Variants in OXCT1 observed in about 807,000 individuals in gnomAD.
The protein encoded by OXCT1 is succinyl-CoA:3-ketoacid coenzyme A transferase 1, mitochondrial.
A neutral mutation model predicts 69.6 loss-of-function variants in OXCT1; 27 were observed. That is an observed-to-expected ratio of 0.39 (90% CI 0.29 to 0.54). The LOEUF (loss-of-function observed/expected upper bound fraction) is 0.54, where lower values mean the gene tolerates loss of function less well. Ranked by LOEUF, OXCT1 falls within the 20% of genes least tolerant of loss-of-function variation. OXCT1 has a pLI of 0.72. For synonymous variants in OXCT1, 202 were observed against 217.8 expected, an observed-to-expected ratio of 0.93 and a Z score of 0.64; for missense variants, 437 against 650.2, an observed-to-expected ratio of 0.67 and a Z score of 3.57.
chr5:41,732,752 C>T (rs914542950), intron 16 of OXCT1, among the ~76,000 whole-genome samples: 1 of 152,042 alleles, frequency 6.6e-6, no homozygotes, highest in Admixed American at 6.6e-5. Context: ...ATATAAGTTT[C>T]AAAGAACTAG....
At chr5:41,869,327 G>A (rs182930069) in intron 1 of OXCT1, among the ~76,000 whole-genome samples, 2 of 152,330 alleles carry the variant, frequency 1.3e-5, no homozygotes, top group African/African-American at 2.4e-5. Context: ...ACCTATTACT[G>A]AATACCAAGG....
rs114772682 is a variant in OXCT1 at position 41,838,001 on chromosome 5, T to C, written c.732+2450A>G. On this transcript the variant is annotated intron_variant, in intron 7 of 16. Coordinates refer to ENST00000196371, the MANE Select transcript of OXCT1 (RefSeq NM_000436.4). ...AATGCCTGAATAGTAGCTAACATTA[T>C]TGGCATTTTGCATGCAGAAGAATAT... is the stretch of plus-strand genomic sequence containing the variant. 5.9e-3 allele frequency among the ~76,000 whole-genome samples: 899 copies of C among 152,304 alleles called. 10 individuals are homozygous for C. Among genetic ancestry groups the C allele is most frequent in the African/African-American group, 0.021 (857 of 41,554 alleles).
chr5:41,793,870 T>C, intron 13 of OXCT1, 133 bp downstream of exon 13: 1 of 669,076 alleles, frequency 1.5e-6, no homozygotes, highest in Non-Finnish European at 2.6e-6. Flanking sequence ...TAATTAAAAT[T>C]TGATTCTAGT....
chr5:41,733,349 C>T (rs565711761), intron 16 of OXCT1, among the ~76,000 whole-genome samples: 4 of 151,310 alleles, frequency 2.6e-5, no homozygotes, highest in South Asian at 4.2e-4. Context: ...TGGGTTCAAG[C>T]GATTCTCCTG....
chr5:41,861,274 C>T (rs1213945565), intron 3 of OXCT1, 40 bp downstream of exon 3: 1 of 1,216,624 alleles, frequency 8.2e-7, no homozygotes, highest in East Asian at 2.3e-5. Flanking sequence ...TAAGAATTGG[C>T]ATTTCTCTCC....
intron 13 of OXCT1, among the ~76,000 whole-genome samples, chr5:41,771,618 G>A (rs1211669589): frequency 6.6e-6 from 1 of 152,152 alleles, no homozygotes; most frequent in Non-Finnish European, 1.5e-5. Context: ...CAGACAATAT[G>A]GCTAAGTGAA....
In OXCT1 at chr5:41,770,454, C is replaced by T. The variant is rs368474809; in HGVS notation, c.1249-8254G>A. 2.6e-5 allele frequency among the ~76,000 whole-genome samples: 4 copies of T among 152,276 alleles called. No homozygotes were observed. The South Asian group carries it at 6.2e-4, about 24-fold the overall frequency. On this transcript the variant is annotated intron_variant, in intron 13 of 16. Coordinates refer to ENST00000196371, the MANE Select transcript of OXCT1 (RefSeq NM_000436.4). The stretch of plus-strand genomic sequence containing the variant: ...TGTTATTTAATACATATCTGAACTA[C>T]ACTGAATTTGCTTTTTCAAGTGGGG...
At chr5:41,815,803 G>A (rs1747213347) in intron 7 of OXCT1, among the ~76,000 whole-genome samples, 1 of 152,156 alleles carries the variant, frequency 6.6e-6, no homozygotes, top group African/African-American at 2.4e-5. Context: ...TTTCAGTGAA[G>A]AGAGTCATAG....
intron 15 of OXCT1, among the ~76,000 whole-genome samples, chr5:41,744,155 T>A (rs182784637): frequency 6.6e-6 from 1 of 152,214 alleles, no homozygotes; most frequent in Non-Finnish European, 1.5e-5. Context: ...TTCTATTTCA[T>A]TGAGCAGTGG....
In OXCT1 at chr5:41,762,059, G is replaced by C; in HGVS notation, c.1338+52C>G. ...GTGACCTGGTGGTACACTGGGTTTT[G>C]ATGTATTGCAAATTTCCAAAAGCAG... On this transcript the variant is annotated intron_variant, in intron 14 of 16. Coordinates refer to ENST00000196371, the MANE Select transcript of OXCT1 (RefSeq NM_000436.4). The surrounding 1 kb of genome is among the most constrained non-coding windows in gnomAD (Gnocchi z 4.0). 4 of 1,199,414 alleles carry C rather than the reference G, an allele frequency of 3.3e-6. No individual in the cohort carries two copies. The Admixed American group carries it at 6.7e-5, about 20-fold the overall frequency. The allele number at this position is 1,199,414 out of a possible 1,614,324, so 74.3% of individuals were successfully genotyped here. A position where few individuals can be genotyped will look rare whatever the true frequency, so the allele number is the denominator to read the frequency against.
intron 10 of OXCT1, among the ~76,000 whole-genome samples, chr5:41,801,818 ACT>A (rs1352472738): frequency 1.3e-5 from 2 of 151,988 alleles, no homozygotes; most frequent in Non-Finnish European, 2.9e-5. Context: ...TTATAATGTA[ACT>A]CTATTTAAAT....
At chr5:41,793,918 C>A (rs1389434286) in intron 13 of OXCT1, 85 bp downstream of exon 13, 1 of 824,884 alleles carries the variant, frequency 1.2e-6, no homozygotes, top group Non-Finnish European at 2.1e-6. Context: ...TTTAAAGAAT[C>A]GTGATCTCAT....
intron 7 of OXCT1, among the ~76,000 whole-genome samples, chr5:41,812,515 T>A (rs183225205): frequency 6.6e-6 from 1 of 152,004 alleles, no homozygotes; most frequent in Non-Finnish European, 1.5e-5. Flanking sequence ...CTAGGACAAA[T>A]GGAAGTCAAG....
At chr5:41,842,427 T>G (rs1441905033) in intron 6 of OXCT1, among the ~76,000 whole-genome samples, 1 of 152,216 alleles carries the variant, frequency 6.6e-6, no homozygotes, top group East Asian at 1.9e-4. Context: ...CAACTGCATG[T>G]GCCTATATAA....
chr5:41,777,565 T>C (rs926996822), intron 13 of OXCT1, among the ~76,000 whole-genome samples: 1 of 152,224 alleles, frequency 6.6e-6, no homozygotes, highest in East Asian at 1.9e-4. Flanking sequence ...AAAATGTCCA[T>C]TATGTTGAAC....
rs114235465 is a variant in OXCT1, at chr5:41,828,796, G to A, written c.732+11655C>T. 4.8e-3 allele frequency among the ~76,000 whole-genome samples: 729 copies of A among 152,268 alleles called. 3 individuals are homozygous for A. Among genetic ancestry groups the A allele is most frequent in the African/African-American group, 0.013 (553 of 41,534 alleles). ...AGTAATTTAATATATTCAGACTACA[G>A]AAATAGAAGTTATGCTGTAAATGAA... On this transcript the variant is annotated intron_variant, in intron 7 of 16. Transcript: ENST00000196371.
At chr5:41,746,614 A>C (rs1235151780) in intron 15 of OXCT1, among the ~76,000 whole-genome samples, 1 of 152,126 alleles carries the variant, frequency 6.6e-6, no homozygotes, top group Non-Finnish European at 1.5e-5. Flanking sequence ...ATACATCTAT[A>C]ATTAAGGCTC....
At chr5:41,847,797 T>C (rs1748993965) in intron 5 of OXCT1, among the ~76,000 whole-genome samples, 1 of 151,746 alleles carries the variant, frequency 6.6e-6, no homozygotes, top group Admixed American at 6.6e-5. Context: ...ATAAGAGCTA[T>C]CTATGACAAA....
intron 7 of OXCT1, among the ~76,000 whole-genome samples, chr5:41,812,907 G>A (rs2112300637): frequency 6.6e-6 from 1 of 152,056 alleles, no homozygotes; most frequent in East Asian, 1.9e-4. Flanking sequence ...TGGTAGAAGT[G>A]TCAACTGAGA....
Sources: gnomAD v4.1 joint callset for allele counts (sites outside exome capture counted in the v4.1 genomes callset) on GRCh38, gnomAD v4.1.1 for gene constraint, Gnocchi (gnomAD v3.1) non-coding constraint, MANE v1.5 for transcripts, NCBI Gene and HGNC (gene_info 2026-07-23, HGNC 2026-07-21) for gene names.